Variants in KCNB2 observed in about 807,000 individuals in gnomAD.
The protein encoded by KCNB2 is potassium voltage-gated channel subfamily B member 2, also known as delayed rectifier potassium channel protein.
KCNB2 carries 15 observed loss-of-function variants against 61.5 expected under a neutral mutation model. That is an observed-to-expected ratio of 0.24 (90% CI 0.16 to 0.38). The LOEUF is 0.38. Ranked by LOEUF, KCNB2 falls within the 10% of genes least tolerant of loss-of-function variation. The probability of loss-of-function intolerance (pLI) is 1.00; values close to 1 mark genes in which losing one functional copy is unlikely to be tolerated. For missense variants in KCNB2, 828 were observed against 1,125.2 expected, an observed-to-expected ratio of 0.74 and a Z score of 3.78; for synonymous variants, 457 against 446.0, an observed-to-expected ratio of 1.02 and a Z score of -0.31.
At chr8:72,662,784 G>C (rs1347060015) in intron 2 of KCNB2, among the ~76,000 whole-genome samples, 6 of 152,150 alleles carry the variant, frequency 3.9e-5, no homozygotes, top group Admixed American at 3.9e-4. Flanking sequence ...GGAAGGTTTG[G>C]CTTATTTCAC....
At chr8:72,665,935 C>T (rs1418739784) in intron 2 of KCNB2, among the ~76,000 whole-genome samples, 3 of 152,170 alleles carry the variant, frequency 2.0e-5, no homozygotes, top group Admixed American at 6.5e-5. Context: ...GCAAATGAGG[C>T]GGGTGGAGTT....
intron 2 of KCNB2, among the ~76,000 whole-genome samples, chr8:72,899,415 C>T (rs1806047102): frequency 6.6e-6 from 1 of 152,070 alleles, no homozygotes; most frequent in African/African-American, 2.4e-5. Flanking sequence ...TAAAAGTCAT[C>T]CAAATAGAAA....
intron 2 of KCNB2, among the ~76,000 whole-genome samples, chr8:72,738,232 G>T (rs16938341): frequency 0.074 from 11,279 of 152,102 alleles, 1,409 homozygotes; most frequent in African/African-American, 0.25. Context: ...CTCAAGAAAG[G>T]TTAAGAGCCC....
At chr8:72,890,614 A>T (rs1563414947) in intron 2 of KCNB2, among the ~76,000 whole-genome samples, 1 of 152,194 alleles carries the variant, frequency 6.6e-6, no homozygotes, top group Non-Finnish European at 1.5e-5. Flanking sequence ...GTAAATGTGC[A>T]TAAACTTTGA....
chr8:72,548,271 T>C (rs1045455599), intron 1 of KCNB2, among the ~76,000 whole-genome samples: 3 of 152,212 alleles, frequency 2.0e-5, no homozygotes, highest in African/African-American at 7.2e-5. Context: ...CTCTGAGGTA[T>C]GCTTGTATAA....
At chr8:72,801,020 C>T (rs906822605) in intron 2 of KCNB2, among the ~76,000 whole-genome samples, 1 of 152,180 alleles carries the variant, frequency 6.6e-6, no homozygotes. Context: ...AGATGGTTCA[C>T]TAGCGGCTCA....
intron 2 of KCNB2, among the ~76,000 whole-genome samples, chr8:72,723,734 T>C (rs1437396249): frequency 6.6e-6 from 1 of 152,136 alleles, no homozygotes; most frequent in Admixed American, 6.5e-5. Context: ...TGGTCATATT[T>C]TCTAATCCAA....
chr8:72,600,488 A>C (rs1807278758), intron 2 of KCNB2, among the ~76,000 whole-genome samples: 1 of 152,098 alleles, frequency 6.6e-6, no homozygotes, highest in African/African-American at 2.4e-5. Context: ...GATATACCTA[A>C]TGCTAAATGA....
At chr8:72,898,052 A>G (rs1263684037) in intron 2 of KCNB2, among the ~76,000 whole-genome samples, 1 of 152,120 alleles carries the variant, frequency 6.6e-6, no homozygotes, top group African/African-American at 2.4e-5. Context: ...ACCCTGGGAA[A>G]TGGATTATCT....
At chr8:72,595,601 G>A (rs1277372319) in intron 2 of KCNB2, among the ~76,000 whole-genome samples, 1 of 152,120 alleles carries the variant, frequency 6.6e-6, no homozygotes, top group Non-Finnish European at 1.5e-5. Flanking sequence ...TGGGATTACA[G>A]GCATGAGCCA....
rs1222338574 is a variant in KCNB2 at position 72,594,112 on chromosome 8, G to GTT, written c.579+25800_579+25801dup. On this transcript the variant is annotated intron_variant, in intron 2 of 2. Transcript: ENST00000523207. ...GTCTACCTGAGGAAATGATAATTTA[G>GTT]TTATATACCTCATCTTAGTATTGCA... Among the ~76,000 whole-genome samples, 306 of 152,258 alleles carry GTT rather than the reference G, an allele frequency of 2.0e-3. 1 individual carries two copies. The highest frequency in any genetic ancestry group is 7.0e-3 in the African/African-American group (291 of 41,550).
At chr8:72,829,538 C>A (rs1899079) in intron 2 of KCNB2, among the ~76,000 whole-genome samples, 16,850 of 152,132 alleles carry the variant, frequency 0.11, 1,575 homozygotes, top group East Asian at 0.52. Context: ...AATATTTTCT[C>A]GTAAGTTCTC....
chr8:72,693,289 T>C (rs1245344626), intron 2 of KCNB2, among the ~76,000 whole-genome samples: 5 of 152,198 alleles, frequency 3.3e-5, no homozygotes, highest in Admixed American at 3.3e-4. Context: ...CTTACCCCAG[T>C]TTGTCTCTGT....
intron 2 of KCNB2, among the ~76,000 whole-genome samples, chr8:72,736,457 G>A (rs1807848012): frequency 6.6e-6 from 1 of 152,030 alleles, no homozygotes; most frequent in Non-Finnish European, 1.5e-5. Flanking sequence ...AGGTTCATTA[G>A]TTGAAACCTA....
intron 2 of KCNB2, among the ~76,000 whole-genome samples, chr8:72,780,576 C>T (rs1303472159): frequency 1.3e-5 from 2 of 151,974 alleles, no homozygotes; most frequent in Non-Finnish European, 2.9e-5. Context: ...TAATATTGTG[C>T]TTAAATCACA....
chr8:72,907,651 A>T (rs1324873786), intron 2 of KCNB2, among the ~76,000 whole-genome samples: 1 of 152,176 alleles, frequency 6.6e-6, no homozygotes, highest in Admixed American at 6.5e-5. Flanking sequence ...TGCAAATAGA[A>T]AATCAAAGCT....
intron 2 of KCNB2, among the ~76,000 whole-genome samples, chr8:72,792,373 C>T (rs1808959995): frequency 6.6e-6 from 1 of 152,254 alleles, no homozygotes; most frequent in Non-Finnish European, 1.5e-5. Context: ...ACTTTGTAAG[C>T]TAAGATGATG....
At chr8:72,886,440 G>A (rs16938466) in intron 2 of KCNB2, among the ~76,000 whole-genome samples, 4 of 152,174 alleles carry the variant, frequency 2.6e-5, no homozygotes, top group African/African-American at 9.7e-5. Flanking sequence ...ACAGTCCTCT[G>A]GCTCCTAGCC....
intron 2 of KCNB2, among the ~76,000 whole-genome samples, chr8:72,881,134 C>G (rs1280652682): frequency 9.4e-5 from 1 of 10,620 alleles, no homozygotes; most frequent in African/African-American, 2.0e-3. Context: ...CCTAAGCAAG[C>G]CTGGGCAATG....
Sources: gnomAD v4.1 joint callset for allele counts (sites outside exome capture counted in the v4.1 genomes callset) on GRCh38, gnomAD v4.1.1 for gene constraint, MANE v1.5 for transcripts, NCBI Gene and HGNC (gene_info 2026-07-23, HGNC 2026-07-21) for gene names.